ANKRD13A: variants seen among roughly 807,000 people sequenced by gnomAD.
The protein encoded by ANKRD13A is ankyrin repeat domain 13A.
A neutral mutation model predicts 81.3 loss-of-function variants in ANKRD13A; 48 were observed. The observed-to-expected ratio is 0.59, with a 90% CI of 0.47 to 0.75. The LOEUF (loss-of-function observed/expected upper bound fraction) is 0.75. Ranked by LOEUF, ANKRD13A falls within the 30% of genes least tolerant of loss-of-function variation. The pLI, the probability that ANKRD13A is intolerant of heterozygous loss-of-function variation, is 0.00. For missense variants in ANKRD13A, 612 were observed against 734.0 expected (o/e 0.83, Z 1.92); for synonymous variants, 230 against 270.1 (o/e 0.85, Z 1.45).
chr12:110,026,046 C>T (rs912482969), intron 8 of ANKRD13A, among the ~76,000 whole-genome samples: 1 of 151,724 alleles, frequency 6.6e-6, no homozygotes, highest in Admixed American at 6.6e-5. Context: ...ACTGCAACCT[C>T]TGCCTCCTGG....
intron 1 of ANKRD13A, among the ~76,000 whole-genome samples, chr12:110,002,602 C>T (rs962597430): frequency 9.9e-5 from 15 of 152,050 alleles, no homozygotes; most frequent in African/African-American, 3.4e-4. Context: ...GGAGACAGAG[C>T]GAGGCTCCGA....
intron 1 of ANKRD13A, among the ~76,000 whole-genome samples, chr12:110,004,381 C>T (rs1008479032): frequency 2.0e-5 from 3 of 151,748 alleles, no homozygotes; most frequent in Admixed American, 1.3e-4. Flanking sequence ...TTTGGGAGGC[C>T]GAGGTGGGCG....
chr12:110,036,507 T>C lies in ANKRD13A; in HGVS notation c.1577+179T>C, dbSNP rs749630116. 1.2e-4 allele frequency among the ~76,000 whole-genome samples: 19 copies of C among 152,188 alleles called. No homozygotes were observed. The highest frequency in any genetic ancestry group is 1.9e-4 in the Non-Finnish European group (13 of 68,028). The stretch of plus-strand genomic sequence containing the variant: ...GCTCACGCCTATAATCCCAGCATTT[T>C]GGGAGGCCGAGGCAGGCGGATCACG... On this transcript the variant is annotated intron_variant, in intron 14 of 14. Coordinates refer to ENST00000261739, the MANE Select transcript of ANKRD13A (RefSeq NM_033121.2). The surrounding 1 kb of genome is among the most constrained non-coding windows in gnomAD (Gnocchi z 4.6).
At chr12:110,027,848 C>T in intron 9 of ANKRD13A, 82 bp downstream of exon 9, 1 of 1,382,176 alleles carries the variant, frequency 7.2e-7, no homozygotes, top group Non-Finnish European at 1.0e-6. Flanking sequence ...TTACTGGATC[C>T]TGAACAGCCC....
chr12:110,038,264 CGAAGGATCTGATTT>C lies in ANKRD13A; in HGVS notation c.*714_*727del, dbSNP rs1324020472. ...TTTCACATCACCTCACTGCACGCAT[CGAAGGATCTGATTT>C]GAATTTGTAAAGGCAATTCTTTTGA... is the stretch of plus-strand genomic sequence containing the variant. On this transcript the variant is annotated 3_prime_UTR_variant, in exon 15 of 15. Coordinates refer to ENST00000261739, the MANE Select transcript of ANKRD13A (RefSeq NM_033121.2). The C allele has an allele frequency of 6.6e-6, 1 of 152,654 alleles. No homozygotes were observed. Among genetic ancestry groups the C allele is most frequent in the Non-Finnish European group, 1.5e-5 (1 of 68,048 alleles). The allele number at this position is 152,654 out of a possible 1,614,324, so 9.5% of individuals were successfully genotyped here. A position where few individuals can be genotyped will look rare whatever the true frequency, so the allele number is the denominator to read the frequency against.
At chr12:110,010,526 T>G (rs1175795082) in intron 1 of ANKRD13A, among the ~76,000 whole-genome samples, 1 of 152,202 alleles carries the variant, frequency 6.6e-6, no homozygotes, top group Admixed American at 6.5e-5. Flanking sequence ...TCCTACCCTT[T>G]GGAATTCTCC....
chr12:110,011,283 A>T (rs1357154939), intron 1 of ANKRD13A, among the ~76,000 whole-genome samples: 1 of 152,178 alleles, frequency 6.6e-6, no homozygotes, highest in Non-Finnish European at 1.5e-5. Flanking sequence ...GGGGGGCGAG[A>T]GTGGCAGAAT....
intron 9 of ANKRD13A, 187 bp downstream of exon 9, chr12:110,027,953 A>G: frequency 3.4e-6 from 2 of 594,620 alleles, no homozygotes; most frequent in African/African-American, 3.7e-5. Flanking sequence ...ATAAATAAGG[A>G]TTTTAGAGGA....
Position 110,033,897 on chromosome 12 carries a change from A to C in ANKRD13A, c.1449A>C (p.Glu483Asp), listed in dbSNP as rs772801496. 1 of 1,613,576 alleles carries C rather than the reference A, an allele frequency of 6.2e-7. No homozygotes were observed. The highest frequency in any genetic ancestry group is 2.2e-5 in the East Asian group (1 of 44,826). The change falls in exon 13 of 15, where the codon GAA (glutamate) becomes GAC (aspartate). Residue 483 changes from glutamate to aspartate, a missense_variant. Physicochemically the swap from Glu to Asp is conservative, Grantham distance 45. Coordinates refer to ENST00000261739, the MANE Select transcript of ANKRD13A (RefSeq NM_033121.2). Reference protein sequence around the residue: ...DNGRNVHLQDEDYEIMQFAIQ... With the variant: ...DNGRNVHLQDDDYEIMQFAIQ... Reference sequence around the variant, plus strand: ...GCAGAAATGTGCATTTGCAAGATGAAGATTACGAGATAATGCAGTTTGCCA... The same window carrying C: ...GCAGAAATGTGCATTTGCAAGATGACGATTACGAGATAATGCAGTTTGCCA...
At chr12:110,000,514 A>G (rs1486975634) in intron 1 of ANKRD13A, among the ~76,000 whole-genome samples, 1 of 152,142 alleles carries the variant, frequency 6.6e-6, no homozygotes, top group East Asian at 1.9e-4. Context: ...ATCTCTTTAA[A>G]GCAGTAGTGC....
At chr12:110,016,644 T>C (rs1310186525) in intron 4 of ANKRD13A, among the ~76,000 whole-genome samples, 1 of 152,246 alleles carries the variant, frequency 6.6e-6, no homozygotes, top group Non-Finnish European at 1.5e-5. Context: ...CCGCCATGCA[T>C]AGGACTTTTC....
chr12:110,027,057 A>G (rs948933851), intron 8 of ANKRD13A: 1 of 152,316 alleles, frequency 6.6e-6, no homozygotes, highest in Non-Finnish European at 1.5e-5. Context: ...AATATTTATC[A>G]TTGGAATGAG....
chr12:110,025,962 CTCTTT>C, intron 8 of ANKRD13A, 139 bp downstream of exon 8: 50 of 648,226 alleles, frequency 7.7e-5, no homozygotes, highest in South Asian at 1.2e-4. Flanking sequence ...CTCTCTCTCT[CTCTTT>C]TTTTTTTTTT....
intron 6 of ANKRD13A, 37 bp downstream of exon 6, chr12:110,019,365 C>T (rs1257106546): frequency 6.5e-7 from 1 of 1,535,548 alleles, no homozygotes. Flanking sequence ...TGTCTAATCC[C>T]CATGCTGCCA....
chr12:110,012,594 C>T (rs1350749469), intron 2 of ANKRD13A, among the ~76,000 whole-genome samples: 3 of 152,186 alleles, frequency 2.0e-5, no homozygotes, highest in Middle Eastern at 6.8e-3. Context: ...CCACCATACA[C>T]GAATGTGGAG....
intron 6 of ANKRD13A, 30 bp downstream of exon 6, chr12:110,019,358 C>A (rs1300807391): frequency 1.3e-6 from 2 of 1,556,516 alleles, no homozygotes; most frequent in Non-Finnish European, 1.7e-6. Context: ...ATTTTAATGT[C>A]TAATCCCCAT....
At chr12:110,011,925 A>T in intron 1 of ANKRD13A, 80 bp from the exon 2 acceptor site, 1 of 1,372,880 alleles carries the variant, frequency 7.3e-7, no homozygotes, top group Non-Finnish European at 1.0e-6. Context: ...TATTTTTTGT[A>T]CTTGAAATAT....
intron 1 of ANKRD13A, among the ~76,000 whole-genome samples, chr12:110,010,822 TC>T (rs1187682422): frequency 6.6e-6 from 1 of 152,228 alleles, no homozygotes; most frequent in African/African-American, 2.4e-5. Context: ...TGCTCCTGCT[TC>T]ACTTTCCTAA....
chr12:110,001,953 GT>G (rs1461906224), intron 1 of ANKRD13A, among the ~76,000 whole-genome samples: 1 of 152,044 alleles, frequency 6.6e-6, no homozygotes, highest in Non-Finnish European at 1.5e-5. Flanking sequence ...AAAATGACCA[GT>G]TTTGGTTTTT....
Sources: gnomAD v4.1 joint callset for allele counts (sites outside exome capture counted in the v4.1 genomes callset) on GRCh38, gnomAD v4.1.1 for gene constraint, Gnocchi (gnomAD v3.1) non-coding constraint, MANE v1.5 for transcripts, NCBI Gene and HGNC (gene_info 2026-07-23, HGNC 2026-07-21) for gene names.